ALCAM: variants seen among roughly 807,000 people sequenced by gnomAD.
ALCAM encodes the protein activated leukocyte cell adhesion molecule.
ALCAM carries 30 observed loss-of-function variants against 70.9 expected under a neutral mutation model. That is an observed-to-expected ratio of 0.42 (90% confidence interval 0.32 to 0.57). The LOEUF is 0.57. Among genes scored for constraint, ALCAM ranks in the 20% least tolerant of loss-of-function variants. ALCAM has a pLI of 0.11. For synonymous variants in ALCAM, 249 were observed against 242.5 expected (o/e 1.03, Z -0.25); for missense variants, 591 against 695.1 (o/e 0.85, Z 1.68).
chr3:105,544,015 G>A (rs1940183682), intron 8 of ALCAM, among the ~76,000 whole-genome samples: 1 of 151,560 alleles, frequency 6.6e-6, no homozygotes, highest in East Asian at 1.9e-4. Flanking sequence ...CAGTCTGATA[G>A]GAGAGACAAA....
chr3:105,531,306 G>C (rs1430017902), intron 3 of ALCAM: 5 of 151,970 alleles, frequency 3.3e-5, no homozygotes, highest in African/African-American at 9.7e-5. Flanking sequence ...AAATGTTTTT[G>C]TCCATCATCT....
At chr3:105,373,817 A>T (rs1278025223) in intron 1 of ALCAM, among the ~76,000 whole-genome samples, 1 of 152,222 alleles carries the variant, frequency 6.6e-6, no homozygotes. Context: ...GAAGCAATGC[A>T]TATGTGGAGA....
intron 15 of ALCAM, among the ~76,000 whole-genome samples, chr3:105,572,939 T>G (rs1273513501): frequency 2.0e-5 from 3 of 152,232 alleles, no homozygotes; most frequent in South Asian, 2.1e-4. Context: ...AAGCTTTATT[T>G]TTTGAATTGG....
rs572620026 is a variant in ALCAM, at chr3:105,481,531, A to G, written c.74-38536A>G. Among the ~76,000 whole-genome samples, 5 of 152,328 alleles carry G rather than the reference A, an allele frequency of 3.3e-5. No homozygotes were observed. The South Asian group carries it at 6.2e-4, about 19-fold the overall frequency. The stretch of plus-strand genomic sequence containing the variant: ...ACATTAGGTATTGAAGGACTTAAAA[A>G]TAAGTAAAATGAAGATTAAAGATGG... On this transcript the variant is annotated intron_variant, in intron 1 of 15. Transcript: ENST00000306107.
intron 6 of ALCAM, among the ~76,000 whole-genome samples, chr3:105,539,196 AG>A (rs765548174): frequency 2.6e-5 from 4 of 152,140 alleles, no homozygotes; most frequent in Non-Finnish European, 5.9e-5. Flanking sequence ...ACAAATGGAT[AG>A]GTTAGTGGAT....
intron 14 of ALCAM, chr3:105,552,805 T>C: frequency 7.4e-7 from 1 of 1,345,994 alleles, no homozygotes; most frequent in South Asian, 1.7e-5. Context: ...TCCGTTTATT[T>C]GTCTCAATCA....
At chr3:105,554,986 A>G (rs1301529684) in intron 14 of ALCAM, among the ~76,000 whole-genome samples, 1 of 151,990 alleles carries the variant, frequency 6.6e-6, no homozygotes, top group African/African-American at 2.4e-5. Flanking sequence ...TAAATGTTAA[A>G]TTCTTGGAGC....
rs185708500 is a variant in ALCAM, at chr3:105,369,141, G to C, written c.73+1660G>C. 3.7e-3 allele frequency among the ~76,000 whole-genome samples: 558 copies of C among 152,288 alleles called. 11 individuals carry two copies. Among genetic ancestry groups the C allele is most frequent in the South Asian group, 0.031 (148 of 4,828 alleles). On this transcript the variant is annotated intron_variant, in intron 1 of 15. Transcript: ENST00000306107. Reference sequence around the variant, plus strand: ...GCAAACGTCCACACGCCCACAGTTGGTTTTCCGATTAACCCCCTCGAGACT... The same window carrying C: ...GCAAACGTCCACACGCCCACAGTTGCTTTTCCGATTAACCCCCTCGAGACT...
At chr3:105,404,166 G>A (rs935481142) in intron 1 of ALCAM, among the ~76,000 whole-genome samples, 1 of 152,068 alleles carries the variant, frequency 6.6e-6, no homozygotes, top group Non-Finnish European at 1.5e-5. Context: ...AAACATATTT[G>A]AGGGAATAAT....
intron 3 of ALCAM, among the ~76,000 whole-genome samples, chr3:105,527,369 C>G (rs1939732313): frequency 6.6e-6 from 1 of 152,048 alleles, no homozygotes; most frequent in African/African-American, 2.4e-5. Flanking sequence ...AGATCTGCTG[C>G]TAATTTCTGA....
At chr3:105,467,122 C>T (rs1937761714) in intron 1 of ALCAM, among the ~76,000 whole-genome samples, 1 of 151,244 alleles carries the variant, frequency 6.6e-6, no homozygotes, top group Non-Finnish European at 1.5e-5. Context: ...GAGTATAATA[C>T]ATATTCAGGA....
intron 1 of ALCAM, among the ~76,000 whole-genome samples, chr3:105,387,648 A>G (rs1935692985): frequency 6.6e-6 from 1 of 151,604 alleles, no homozygotes; most frequent in Non-Finnish European, 1.5e-5. Context: ...AGTAACGGTT[A>G]CCAGGATCAT....
At chr3:105,403,941 G>A (rs1272111166) in intron 1 of ALCAM, among the ~76,000 whole-genome samples, 3 of 150,988 alleles carry the variant, frequency 2.0e-5, no homozygotes, top group South Asian at 2.1e-4. Context: ...AATGCAAAAT[G>A]TACTAGAAAG....
intron 1 of ALCAM, among the ~76,000 whole-genome samples, chr3:105,490,585 G>A (rs921650914): frequency 3.3e-5 from 5 of 152,130 alleles, no homozygotes; most frequent in Admixed American, 2.0e-4. Context: ...GGGAGGCATA[G>A]TTGGGAAGAA....
At chr3:105,560,305 C>T (rs901933441) in intron 14 of ALCAM, among the ~76,000 whole-genome samples, 3 of 152,090 alleles carry the variant, frequency 2.0e-5, no homozygotes, top group African/African-American at 7.2e-5. Context: ...ATTTTAAGCT[C>T]CATAAATGTA....
chr3:105,409,578 G>T (rs1173613868), intron 1 of ALCAM, among the ~76,000 whole-genome samples: 5 of 151,996 alleles, frequency 3.3e-5, no homozygotes, highest in Non-Finnish European at 5.9e-5. Flanking sequence ...AATGGCAAGG[G>T]ATAAAGGATG....
intron 14 of ALCAM, among the ~76,000 whole-genome samples, chr3:105,561,186 T>G (rs1468443633): frequency 2.0e-5 from 3 of 152,226 alleles, no homozygotes; most frequent in Non-Finnish European, 4.4e-5. Flanking sequence ...TGTTTCCAAT[T>G]GTTCCTAGTA....
chr3:105,403,889 AAAAC>A (rs1056677255), intron 1 of ALCAM, among the ~76,000 whole-genome samples: 1 of 151,692 alleles, frequency 6.6e-6, no homozygotes, highest in African/African-American at 2.4e-5. Flanking sequence ...GCATAAATAA[AAAAC>A]AATCACAACT....
intron 1 of ALCAM, among the ~76,000 whole-genome samples, chr3:105,371,118 A>T (rs1486701154): frequency 1.3e-5 from 2 of 152,280 alleles, no homozygotes; most frequent in African/African-American, 4.8e-5. Context: ...AAACTAGCTT[A>T]TCTTTTTTAA....
Sources: gnomAD v4.1 joint callset for allele counts (sites outside exome capture counted in the v4.1 genomes callset) on GRCh38, gnomAD v4.1.1 for gene constraint, MANE v1.5 for transcripts, NCBI Gene and HGNC (gene_info 2026-07-23, HGNC 2026-07-21) for gene names.